Variants in NUAK1 observed in about 807,000 individuals in gnomAD.
NUAK1 encodes NUAK family SNF1-like kinase 1.
Under a neutral mutation model 56.9 loss-of-function variants are expected in NUAK1, and 26 were observed. The observed-to-expected ratio is 0.46, with a 90% CI of 0.33 to 0.63. The LOEUF (loss-of-function observed/expected upper bound fraction) is 0.63. Ranked by LOEUF, NUAK1 falls within the 30% of genes least tolerant of loss-of-function variation. The probability of loss-of-function intolerance (pLI) is 0.02; values close to 1 mark genes in which losing one functional copy is unlikely to be tolerated. For synonymous variants in NUAK1, 337 were observed against 336.0 expected (o/e 1.00, Z -0.03); for missense variants, 727 against 876.1 (o/e 0.83, Z 2.15).
intron 4 of NUAK1, among the ~76,000 whole-genome samples, chr12:106,075,294 C>CACACACACAG (rs1199154964): frequency 6.7e-6 from 1 of 148,656 alleles, no homozygotes; most frequent in African/African-American, 2.5e-5. Context: ...TCAACACACA[C>CACACACACAG]ACACACACAC....
intron 1 of NUAK1, among the ~76,000 whole-genome samples, chr12:106,114,262 CAGA>C (rs1473841658): frequency 6.6e-6 from 1 of 152,186 alleles, no homozygotes; most frequent in African/African-American, 2.4e-5. Flanking sequence ...CCTCCAAACC[CAGA>C]AGAACCCGAG....
intron 4 of NUAK1, among the ~76,000 whole-genome samples, chr12:106,077,679 C>T (rs533201335): frequency 5.9e-5 from 9 of 152,322 alleles, no homozygotes; most frequent in South Asian, 4.1e-4. Context: ...ATCTGGCCCA[C>T]GGACCAGCAG....
intron 1 of NUAK1, among the ~76,000 whole-genome samples, chr12:106,110,727 T>C (rs1011410414): frequency 1.3e-5 from 2 of 152,238 alleles, no homozygotes; most frequent in African/African-American, 4.8e-5. Context: ...GACAGTACCA[T>C]GTGCCTTATA....
chr12:106,099,429 T>G (rs916755741), intron 2 of NUAK1, among the ~76,000 whole-genome samples: 3 of 152,314 alleles, frequency 2.0e-5, no homozygotes, highest in Middle Eastern at 3.4e-3. Context: ...AAGCTAGGAT[T>G]GAATGCTCTC....
intron 1 of NUAK1, among the ~76,000 whole-genome samples, chr12:106,128,453 G>A (rs988086521): frequency 2.6e-5 from 4 of 152,076 alleles, no homozygotes; most frequent in Non-Finnish European, 5.9e-5. Context: ...GTATAGATTG[G>A]ACGGTCCACT....
chr12:106,129,977 C>G (rs1565929063), intron 1 of NUAK1, among the ~76,000 whole-genome samples: 2 of 149,568 alleles, frequency 1.3e-5, no homozygotes, highest in Non-Finnish European at 3.0e-5. Flanking sequence ...CACCTCATTC[C>G]TTTTTTTTTT....
intron 2 of NUAK1, among the ~76,000 whole-genome samples, chr12:106,098,274 G>A (rs555761777): frequency 8.1e-4 from 124 of 152,276 alleles, no homozygotes; most frequent in Non-Finnish European, 1.2e-3. Context: ...CATCCAAAGT[G>A]TCTTCATGGT....
chr12:106,116,161 A>G (rs991666129), intron 1 of NUAK1, among the ~76,000 whole-genome samples: 8 of 152,206 alleles, frequency 5.3e-5, no homozygotes, highest in African/African-American at 1.9e-4. Flanking sequence ...AGTATATACA[A>G]AAAAGCTGTT....
rs148372372 is a variant in NUAK1 at position 106,075,702 on chromosome 12, C to A, written c.580-2859G>T. On this transcript the variant is annotated intron_variant, in intron 4 of 6. Transcript: ENST00000261402. The stretch of plus-strand genomic sequence containing the variant: ...TGAAGAAATAGAGAAATTTCAGATG[C>A]CAAATAATAATGGAATTAAATAACT... Among the ~76,000 whole-genome samples, 289 of 152,228 alleles carry A rather than the reference C, an allele frequency of 1.9e-3. 1 individual carries two copies. Among genetic ancestry groups the A allele is most frequent in the African/African-American group, 6.5e-3 (272 of 41,544 alleles).
intron 3 of NUAK1, chr12:106,084,148 T>C: frequency 1.8e-6 from 1 of 561,212 alleles, no homozygotes. Context: ...TCACTTGCTG[T>C]GTGGTTAAGG....
At chr12:106,098,761 G>T (rs117988168) in intron 2 of NUAK1, among the ~76,000 whole-genome samples, 1 of 152,066 alleles carries the variant, frequency 6.6e-6, no homozygotes, top group African/African-American at 2.4e-5. Flanking sequence ...TTTGCAGATC[G>T]GGTCTCCTAG....
intron 1 of NUAK1, among the ~76,000 whole-genome samples, chr12:106,132,896 C>T (rs897175043): frequency 1.3e-5 from 2 of 152,174 alleles, no homozygotes; most frequent in Non-Finnish European, 1.5e-5. Context: ...AGGTCAAGGT[C>T]TCTGCATTCA....
In NUAK1 at chr12:106,138,894, G is replaced by C. The variant is rs972218569; in HGVS notation, c.-241C>G. The stretch of plus-strand genomic sequence containing the variant: ...CGGCCGCGGCGAGCTGTGGAGCGTC[G>C]GGCGAGGTGGCGGCGGTGGCAGGGG... On this transcript the variant is annotated 5_prime_UTR_variant, in exon 1 of 7. Coordinates refer to ENST00000261402, the MANE Select transcript of NUAK1 (RefSeq NM_014840.3). The surrounding 1 kb of genome is among the most constrained non-coding windows in gnomAD (Gnocchi z 5.0). The C allele has an allele frequency of 2.4e-6, 1 of 420,056 alleles. No individual in the cohort carries two copies. The allele number at this position is 420,056 out of a possible 1,614,324, so 26.0% of individuals were successfully genotyped here.
intron 1 of NUAK1, among the ~76,000 whole-genome samples, chr12:106,134,729 G>A (rs866108824): frequency 1.3e-4 from 20 of 152,286 alleles, no homozygotes; most frequent in South Asian, 4.1e-4. Context: ...AATGCATGCC[G>A]AATTATGACA....
In NUAK1 at chr12:106,123,665, C is replaced by T. The variant is rs139388151; in HGVS notation, c.240+14749G>A. On this transcript the variant is annotated intron_variant, in intron 1 of 6. Coordinates refer to ENST00000261402, the MANE Select transcript of NUAK1 (RefSeq NM_014840.3). ...GGAATTGAAAGAACAAGGTCAGGTA[C>T]GAGGCATTGTGCTTGGGCTGGAATT... Among the ~76,000 whole-genome samples the T allele has an allele frequency of 5.5e-3, 844 of 152,218 alleles. 2 individuals are homozygous for T. The highest frequency in any genetic ancestry group is 9.2e-3 in the Non-Finnish European group (626 of 68,008).
intron 1 of NUAK1, among the ~76,000 whole-genome samples, chr12:106,135,460 A>G (rs1366050829): frequency 6.6e-6 from 1 of 152,170 alleles, no homozygotes; most frequent in Non-Finnish European, 1.5e-5. Context: ...GTTTTGTTTT[A>G]TTCAGAAGGT....
chr12:106,126,767 T>A (rs1249161786), intron 1 of NUAK1, among the ~76,000 whole-genome samples: 1 of 152,170 alleles, frequency 6.6e-6, no homozygotes, highest in African/African-American at 2.4e-5. Flanking sequence ...CTACCTGTCA[T>A]CCAGGATCAA....
At chr12:106,109,557 A>G (rs1444778641) in intron 1 of NUAK1, among the ~76,000 whole-genome samples, 1 of 31,918 alleles carries the variant, frequency 3.1e-5, no homozygotes, top group Non-Finnish European at 5.5e-5. Context: ...TTGTTAAGGA[A>G]AAAAAAAAAA....
chr12:106,134,645 T>C (rs1047425324), intron 1 of NUAK1, among the ~76,000 whole-genome samples: 2 of 152,146 alleles, frequency 1.3e-5, no homozygotes, highest in African/African-American at 2.4e-5. Context: ...GACATAAAAT[T>C]GTGTGGCTTT....
Sources: allele counts gnomAD v4.1 joint callset (sites outside exome capture counted in the v4.1 genomes callset), GRCh38; gene constraint gnomAD v4.1.1; non-coding constraint Gnocchi (gnomAD v3.1); transcripts MANE v1.5; gene names NCBI Gene and HGNC (gene_info 2026-07-23, HGNC 2026-07-21).